TSPAN18: variants seen among roughly 807,000 people sequenced by gnomAD.
The protein encoded by TSPAN18 is tetraspanin 18.
TSPAN18 carries 14 observed loss-of-function variants against 27.3 expected under a neutral mutation model. That is an observed-to-expected ratio of 0.51 (90% CI 0.34 to 0.80). The LOEUF (loss-of-function observed/expected upper bound fraction) is 0.80. TSPAN18 is among the 30% of genes least tolerant of loss of function. The pLI is 0.01. For missense variants in TSPAN18, 268 were observed against 323.9 expected, an observed-to-expected ratio of 0.83 and a Z score of 1.32; for synonymous variants, 143 against 136.5, an observed-to-expected ratio of 1.05 and a Z score of -0.33.
rs1228963071 is a variant in TSPAN18 at position 44,929,380 on chromosome 11, G to A, written c.*202G>A. On this transcript the variant is annotated 3_prime_UTR_variant, in exon 10 of 10. Coordinates refer to ENST00000520358, the MANE Select transcript of TSPAN18 (RefSeq NM_130783.5). ...CAAAAATATGGACTGATGTATCCTC[G>A]CCTGGACTCAGGGCAGGTGCCGTGG... is the stretch of plus-strand genomic sequence containing the variant. The A allele has an allele frequency of 2.1e-5, 14 of 655,910 alleles. No individual in the cohort carries two copies. Among genetic ancestry groups the A allele is most frequent in the Non-Finnish European group, 3.1e-5 (12 of 391,440 alleles). The allele number at this position is 655,910 out of a possible 1,614,324, so 40.6% of individuals were successfully genotyped here.
intron 3 of TSPAN18, among the ~76,000 whole-genome samples, chr11:44,880,497 T>C (rs1858460003): frequency 6.6e-6 from 1 of 152,198 alleles, no homozygotes; most frequent in African/African-American, 2.4e-5. Context: ...ACAGAAGGTC[T>C]CCTGGCACAT....
At chr11:44,929,061 G>T in intron 9 of TSPAN18, 70 bp from the exon 10 acceptor site, 1 of 1,581,272 alleles carries the variant, frequency 6.3e-7, no homozygotes, top group African/African-American at 1.3e-5. Context: ...CCTTCCCCTG[G>T]AGTGGGCCAG....
intron 2 of TSPAN18, among the ~76,000 whole-genome samples, chr11:44,780,709 AT>A (rs1565145857): frequency 6.6e-6 from 1 of 152,204 alleles, no homozygotes; most frequent in East Asian, 1.9e-4. Flanking sequence ...GACCTTGGCT[AT>A]GTCATGTCAC....
Position 44,908,778 on chromosome 11 carries a change from A to AG in TSPAN18, c.64-926dup, listed in dbSNP as rs765981790. Among the ~76,000 whole-genome samples the AG allele has an allele frequency of 9.7e-3, 1,086 of 112,456 alleles. 118 individuals carry two copies. Among genetic ancestry groups the AG allele is most frequent in the African/African-American group, 0.019 (483 of 25,262 alleles). The allele number at this position is 112,456 out of a possible 152,430, so 73.8% of individuals were successfully genotyped here. A position where few individuals can be genotyped will look rare whatever the true frequency, so the allele number is the denominator to read the frequency against. Reference sequence around the variant, plus strand: ...AGAGAGAGAGAGAAAGGAGAAAGAAAGAAAGAAAGAAAGAAAGAAAGAAAG... The same window carrying AG: ...AGAGAGAGAGAGAAAGGAGAAAGAAAGGAAAGAAAGAAAGAAAGAAAGAAAG... On this transcript the variant is annotated intron_variant, in intron 4 of 9. Transcript: ENST00000520358.
intron 2 of TSPAN18, among the ~76,000 whole-genome samples, chr11:44,859,078 G>A (rs1421395761): frequency 6.6e-6 from 1 of 152,152 alleles, no homozygotes; most frequent in African/African-American, 2.4e-5. Flanking sequence ...GCTGTGCTTG[G>A]TGATGGGGGG....
chr11:44,913,466 G>A (rs1859796678), intron 5 of TSPAN18, among the ~76,000 whole-genome samples: 1 of 152,014 alleles, frequency 6.6e-6, no homozygotes, highest in Admixed American at 6.6e-5. Context: ...TTTCTCATTT[G>A]CTTACCTTTG....
intron 3 of TSPAN18, among the ~76,000 whole-genome samples, chr11:44,870,018 C>G (rs533634533): frequency 6.6e-6 from 1 of 152,366 alleles, no homozygotes; most frequent in African/African-American, 2.4e-5. Context: ...AGGGCATGGG[C>G]CTTGCCCCCT....
At chr11:44,853,662 C>T (rs1290801567) in intron 2 of TSPAN18, among the ~76,000 whole-genome samples, 1 of 152,212 alleles carries the variant, frequency 6.6e-6, no homozygotes, top group Non-Finnish European at 1.5e-5. Flanking sequence ...CAGCTGCCTG[C>T]AGAGCTTCTG....
At chr11:44,820,135 G>A (rs1170907975) in intron 2 of TSPAN18, among the ~76,000 whole-genome samples, 1 of 152,198 alleles carries the variant, frequency 6.6e-6, no homozygotes, top group African/African-American at 2.4e-5. Context: ...CCTTCAGGGT[G>A]GCCCATGCTC....
chr11:44,876,587 T>C (rs1355270438), intron 3 of TSPAN18, among the ~76,000 whole-genome samples: 1 of 152,184 alleles, frequency 6.6e-6, no homozygotes, highest in East Asian at 1.9e-4. Context: ...AGAAAAGGTA[T>C]TGCAGGCCCA....
intron 2 of TSPAN18, among the ~76,000 whole-genome samples, chr11:44,811,125 A>AACACGC (rs1856703637): frequency 7.0e-6 from 1 of 142,486 alleles, no homozygotes; most frequent in Non-Finnish European, 1.5e-5. Context: ...CTGGAGTTTT[A>AACACGC]ACACACACAC....
chr11:44,741,551 G>A (rs1387327834), intron 1 of TSPAN18, among the ~76,000 whole-genome samples: 1 of 152,096 alleles, frequency 6.6e-6, no homozygotes, highest in Non-Finnish European at 1.5e-5. Context: ...CTAAAGTTGT[G>A]TGTGTGAGTT....
At position 44,896,382 on chromosome 11, in the gene TSPAN18, C is replaced by T. The variant is rs144145710; in HGVS notation, c.-10-10025C>T. On this transcript the variant is annotated intron_variant, in intron 3 of 9. Coordinates refer to ENST00000520358, the MANE Select transcript of TSPAN18 (RefSeq NM_130783.5). ...TCTTTTCCCATTGGACTCAGTTTCC[C>T]CATTGTACTGTGGGGATGATGGTGT... Among the ~76,000 whole-genome samples the T allele has an allele frequency of 3.3e-3, 504 of 152,250 alleles. 5 individuals are homozygous for T. Among genetic ancestry groups the T allele is most frequent in the African/African-American group, 0.011 (472 of 41,534 alleles).
intron 6 of TSPAN18, 89 bp downstream of exon 6, chr11:44,918,135 G>A: frequency 7.5e-7 from 1 of 1,330,604 alleles, no homozygotes; most frequent in Admixed American, 1.8e-5. Flanking sequence ...TCCTTGAAGG[G>A]TCTCAGAGAG....
At chr11:44,759,526 C>A (rs552766067) in intron 1 of TSPAN18, among the ~76,000 whole-genome samples, 63 of 152,332 alleles carry the variant, frequency 4.1e-4, no homozygotes, top group African/African-American at 1.5e-3. Flanking sequence ...TTCCCACATT[C>A]ATTTAACTCA....
intron 1 of TSPAN18, among the ~76,000 whole-genome samples, chr11:44,757,491 A>C (rs1855359406): frequency 6.6e-6 from 1 of 152,014 alleles, no homozygotes; most frequent in Non-Finnish European, 1.5e-5. Flanking sequence ...TTAAGTGATC[A>C]TCTTGCCTCA....
chr11:44,895,164 T>C lies in TSPAN18; in HGVS notation c.-10-11243T>C, dbSNP rs188488505. Among the ~76,000 whole-genome samples the C allele has an allele frequency of 4.0e-3, 603 of 152,332 alleles. 3 individuals carry two copies. The highest frequency in any genetic ancestry group is 0.014 in the African/African-American group (583 of 41,572). Reference sequence around the variant, plus strand: ...GTTACCACAAAATTGTGGCAATTTGTTAGAATTTGGGTCTGTTTAGGGGAA... The same window carrying C: ...GTTACCACAAAATTGTGGCAATTTGCTAGAATTTGGGTCTGTTTAGGGGAA... On this transcript the variant is annotated intron_variant, in intron 3 of 9. Coordinates refer to ENST00000520358, the MANE Select transcript of TSPAN18 (RefSeq NM_130783.5).
chr11:44,904,872 C>T (rs1859398899), intron 3 of TSPAN18, among the ~76,000 whole-genome samples: 1 of 152,162 alleles, frequency 6.6e-6, no homozygotes, highest in African/African-American at 2.4e-5. Flanking sequence ...CTTGTCAGTG[C>T]TTCCTACAAG....
At chr11:44,925,560 G>T (rs1180510137) in intron 8 of TSPAN18, among the ~76,000 whole-genome samples, 1 of 152,180 alleles carries the variant, frequency 6.6e-6, no homozygotes, top group African/African-American at 2.4e-5. Context: ...CCTACTTTTG[G>T]CCAAAGGGGC....
Sources: allele counts gnomAD v4.1 joint callset (sites outside exome capture counted in the v4.1 genomes callset), GRCh38; gene constraint gnomAD v4.1.1; transcripts MANE v1.5; gene names NCBI Gene and HGNC (gene_info 2026-07-23, HGNC 2026-07-21).